The following FBXL17 variants were observed in gnomAD, a reference collection of about 807,000 sequenced individuals.
FBXL17 encodes the protein F-box/LRR-repeat protein 17.
Under a neutral mutation model 66.2 loss-of-function variants are expected in FBXL17, and 22 were observed. The observed-to-expected ratio is 0.33, with a 90% CI of 0.24 to 0.47. FBXL17 has a LOEUF of 0.47. Ranked by LOEUF, FBXL17 falls within the 20% of genes least tolerant of loss-of-function variation. The probability of loss-of-function intolerance (pLI) is 1.00; values close to 1 mark genes in which losing one functional copy is unlikely to be tolerated. For missense variants in FBXL17, 878 were observed against 948.2 expected, an observed-to-expected ratio of 0.93 and a Z score of 0.97; for synonymous variants, 474 against 400.5, an observed-to-expected ratio of 1.18 and a Z score of -2.19.
chr5:108,184,035 G>A (rs553166685), intron 6 of FBXL17, among the ~76,000 whole-genome samples: 175 of 152,244 alleles, frequency 1.1e-3, no homozygotes, highest in African/African-American at 4.2e-3. Context: ...GTAATTCAGG[G>A]TAATTTAAGA....
At chr5:107,874,752 T>C (rs1220366159) in intron 8 of FBXL17, among the ~76,000 whole-genome samples, 1 of 152,198 alleles carries the variant, frequency 6.6e-6, no homozygotes, top group African/African-American at 2.4e-5. Context: ...AAAATGAGGT[T>C]GAAAGGTAAC....
chr5:108,298,238 G>C, intron 4 of FBXL17: 2 of 984,052 alleles, frequency 2.0e-6, no homozygotes, highest in Non-Finnish European at 2.4e-6. Context: ...GTCTATTTAA[G>C]TTATAGTCTT....
chr5:107,981,486 A>T (rs531844224), intron 7 of FBXL17, among the ~76,000 whole-genome samples: 1 of 152,326 alleles, frequency 6.6e-6, no homozygotes, highest in South Asian at 2.1e-4. Context: ...GCAGAACGGA[A>T]AGAGCAGAGG....
chr5:108,148,829 C>T (rs1278297332), intron 6 of FBXL17, among the ~76,000 whole-genome samples: 1 of 152,174 alleles, frequency 6.6e-6, no homozygotes, highest in East Asian at 1.9e-4. Context: ...CACTAAGTGG[C>T]AGTTCATGCT....
intron 7 of FBXL17, among the ~76,000 whole-genome samples, chr5:107,980,662 A>ATTTTTTTTTTTTTTTTT (rs1428679219): frequency 3.0e-5 from 2 of 65,838 alleles, no homozygotes; most frequent in Admixed American, 1.6e-4. Context: ...ATATATATAT[A>ATTTTTTTTTTTTTTTTT]TATTTTTTTT....
At chr5:108,301,536 G>T (rs1351974581) in intron 4 of FBXL17, among the ~76,000 whole-genome samples, 2 of 151,704 alleles carry the variant, frequency 1.3e-5, no homozygotes, top group African/African-American at 2.4e-5. Context: ...CCATATAGTT[G>T]AATGCAACAA....
chr5:108,333,461 A>G (rs1005663748), intron 4 of FBXL17, among the ~76,000 whole-genome samples: 3 of 152,156 alleles, frequency 2.0e-5, no homozygotes, highest in Admixed American at 6.5e-5. Flanking sequence ...GTAATTTCAA[A>G]AAAACTCTTA....
In FBXL17 at chr5:107,860,970, C is replaced by T. The variant is rs1430204998; in HGVS notation, c.*750G>A. Reference sequence around the variant, plus strand: ...AAGCTAACACAATGTTAACATAAAACCAACTAAAATATTTAGTGCTCAACA... The same window carrying T: ...AAGCTAACACAATGTTAACATAAAATCAACTAAAATATTTAGTGCTCAACA... On this transcript the variant is annotated 3_prime_UTR_variant, in exon 9 of 9. Transcript: ENST00000542267. The T allele has an allele frequency of 1.3e-5, 2 of 152,150 alleles. No homozygotes were observed. Among genetic ancestry groups the T allele is most frequent in the Admixed American group, 1.3e-4 (2 of 15,268 alleles). 9.4% of individuals were successfully genotyped at this position (152,150 alleles called of 1,614,324 possible). A position where few individuals can be genotyped will look rare whatever the true frequency, so the allele number is the denominator to read the frequency against.
At chr5:107,974,434 C>T (rs1752504964) in intron 7 of FBXL17, among the ~76,000 whole-genome samples, 2 of 151,918 alleles carry the variant, frequency 1.3e-5, no homozygotes, top group Non-Finnish European at 2.9e-5. Flanking sequence ...CTTATAAAGA[C>T]TTTTTTCACT....
At chr5:108,209,950 T>A (rs1175803024) in intron 5 of FBXL17, among the ~76,000 whole-genome samples, 1 of 152,188 alleles carries the variant, frequency 6.6e-6, no homozygotes, top group Non-Finnish European at 1.5e-5. Context: ...CAGACTTTTT[T>A]TTGGTTGGCA....
chr5:108,345,148 C>G (rs1348375117), intron 4 of FBXL17, among the ~76,000 whole-genome samples: 1 of 151,916 alleles, frequency 6.6e-6, no homozygotes, highest in Non-Finnish European at 1.5e-5. Context: ...GCCTGACCAA[C>G]ATGGTGAAAC....
intron 6 of FBXL17, among the ~76,000 whole-genome samples, chr5:108,159,617 T>A (rs530956794): frequency 2.8e-4 from 42 of 152,290 alleles, no homozygotes; most frequent in African/African-American, 9.1e-4. Flanking sequence ...TGGCACTCTG[T>A]TCTTAACTTC....
At chr5:108,210,382 A>G (rs1452312366) in intron 5 of FBXL17, among the ~76,000 whole-genome samples, 1 of 152,060 alleles carries the variant, frequency 6.6e-6, no homozygotes, top group Non-Finnish European at 1.5e-5. Context: ...ATGCTTCTCT[A>G]GTTCTACTAA....
At chr5:108,213,699 C>T (rs1163538526) in intron 5 of FBXL17, among the ~76,000 whole-genome samples, 2 of 152,174 alleles carry the variant, frequency 1.3e-5, no homozygotes, top group Non-Finnish European at 2.9e-5. Context: ...CTATCATTTT[C>T]GCTGGGAGCT....
At chr5:107,993,999 TA>T (rs1753369473) in intron 7 of FBXL17, among the ~76,000 whole-genome samples, 3 of 152,298 alleles carry the variant, frequency 2.0e-5, no homozygotes, top group South Asian at 4.1e-4. Context: ...AATTAGCTGA[TA>T]AGAGATTTTC....
At position 108,374,119 on chromosome 5, in the gene FBXL17, G is replaced by A. The variant is rs143399922; in HGVS notation, c.994-6166C>T. Among the ~76,000 whole-genome samples, 7 of 152,268 alleles carry A rather than the reference G, an allele frequency of 4.6e-5. No homozygotes were observed. The East Asian group carries it at 5.8e-4, about 13-fold the overall frequency. On this transcript the variant is annotated intron_variant, in intron 1 of 8. Transcript: ENST00000542267. ...CGCATTAATGCTTGGAGACTACAAC[G>A]TACAACTTTCAATAATGGATAGAAC...
chr5:107,896,558 TGCA>T lies in FBXL17; in HGVS notation c.1823-15382_1823-15380del. 2.6e-5 allele frequency among the ~76,000 whole-genome samples: 4 copies of T among 152,306 alleles called. No individual in the cohort carries two copies. The Middle Eastern group carries it at 0.014, about 518-fold the overall frequency. ...CACATCATAGTAAAAAGTGATCTCTTGCAGTTCTTGTCTATTTTTTTATCATGT... is the reference window on the plus strand; with the variant it reads ...CACATCATAGTAAAAAGTGATCTCTTGTTCTTGTCTATTTTTTTATCATGT... On this transcript the variant is annotated intron_variant, in intron 7 of 8. Coordinates refer to ENST00000542267, the MANE Select transcript of FBXL17 (RefSeq NM_001163315.3).
intron 4 of FBXL17, among the ~76,000 whole-genome samples, chr5:108,295,270 T>C (rs897980991): frequency 2.0e-5 from 3 of 151,868 alleles, no homozygotes; most frequent in Admixed American, 6.6e-5. Flanking sequence ...CAAATTCATA[T>C]ACTTTTCCAA....
At chr5:107,883,979 C>A (rs1748879669) in intron 7 of FBXL17, among the ~76,000 whole-genome samples, 1 of 152,096 alleles carries the variant, frequency 6.6e-6, no homozygotes, top group South Asian at 2.1e-4. Flanking sequence ...GACAAGTGAG[C>A]CGCAGGTATT....
Sources: gnomAD v4.1 joint callset for allele counts (sites outside exome capture counted in the v4.1 genomes callset) on GRCh38, gnomAD v4.1.1 for gene constraint, MANE v1.5 for transcripts, NCBI Gene and HGNC (gene_info 2026-07-23, HGNC 2026-07-21) for gene names.